Variants in SEMA3A observed in about 807,000 individuals in gnomAD.
SEMA3A encodes semaphorin 3A, also known as semaphorin-3A.
In SEMA3A, 29 loss-of-function variants were observed where a neutral mutation model predicts 97.9. The ratio of observed to expected loss-of-function variants is 0.30; its 90% CI spans 0.22 to 0.40. SEMA3A has a LOEUF of 0.40. SEMA3A is among the 10% of genes least tolerant of loss of function. The probability of loss-of-function intolerance (pLI) is 1.00; values close to 1 mark genes in which losing one functional copy is unlikely to be tolerated. For missense variants in SEMA3A, 763 were observed against 951.3 expected, an observed-to-expected ratio of 0.80 and a Z score of 2.60; for synonymous variants, 321 against 323.7, an observed-to-expected ratio of 0.99 and a Z score of 0.09.
chr7:84,480,202 T>G lies in SEMA3A; in HGVS notation c.-246+12258A>C, dbSNP rs577480589. On this transcript the variant is annotated intron_variant, in intron 1 of 3. Transcript: ENST00000424555. The stretch of plus-strand genomic sequence containing the variant: ...ATTCAGGCAGGGCTCTGGGGTTTTT[T>G]GTTTGCTTGTTTGTTTTTTTGTTTT... Among the ~76,000 whole-genome samples, 26 of 152,318 alleles carry G rather than the reference T, an allele frequency of 1.7e-4. No individual in the cohort carries two copies. In the South Asian group the frequency reaches 4.6e-3, roughly 27 times the overall value.
intron 6 of SEMA3A, among the ~76,000 whole-genome samples, chr7:84,023,749 G>A (rs1013953322): frequency 6.6e-6 from 1 of 152,160 alleles, no homozygotes; most frequent in African/African-American, 2.4e-5. Flanking sequence ...TATGGCTCAC[G>A]CCTGTAATCC....
Position 83,959,629 on chromosome 7 carries a change from A to G in SEMA3A, c.*1742T>C, listed in dbSNP as rs555827518. 3.0e-4 allele frequency: 45 copies of G among 152,204 alleles called. No homozygotes were observed. The highest frequency in any genetic ancestry group is 1.0e-3 in the African/African-American group (43 of 41,566). 9.4% of individuals were successfully genotyped at this position (152,204 alleles called of 1,614,324 possible). A position where few individuals can be genotyped will look rare whatever the true frequency, so the allele number is the denominator to read the frequency against. On this transcript the variant is annotated 3_prime_UTR_variant, in exon 17 of 17. Coordinates refer to ENST00000265362, the MANE Select transcript of SEMA3A (RefSeq NM_006080.3). ...TGAAATATTTCAGCTGATAGGAAATAAAAATTCACTGTAGTCTGAGGTGAG... is the reference window on the plus strand; with the variant it reads ...TGAAATATTTCAGCTGATAGGAAATGAAAATTCACTGTAGTCTGAGGTGAG...
chr7:84,398,284 CTA>C (rs1444160146), intron 1 of SEMA3A, among the ~76,000 whole-genome samples: 2 of 152,108 alleles, frequency 1.3e-5, no homozygotes, highest in African/African-American at 4.8e-5. Flanking sequence ...TTCTCAGAAC[CTA>C]TATGAGGAGC....
intron 3 of SEMA3A, among the ~76,000 whole-genome samples, chr7:84,279,631 G>C (rs879853010): frequency 6.6e-6 from 1 of 152,082 alleles, no homozygotes. Flanking sequence ...GTGGGAGTTC[G>C]TTTTACTACT....
intron 3 of SEMA3A, among the ~76,000 whole-genome samples, chr7:84,271,301 C>T (rs1187934901): frequency 6.6e-6 from 1 of 152,080 alleles, no homozygotes; most frequent in Non-Finnish European, 1.5e-5. Flanking sequence ...AATCCTCCCA[C>T]CTCAGCTTTC....
In SEMA3A at chr7:84,190,746, CAT is replaced by C. The variant is rs531754094; in HGVS notation, c.112+3727_112+3728del. ...TATATATAATATATATACACACACA[CAT>C]ATATATAATTTAAAATATCAATGTC... is the stretch of plus-strand genomic sequence containing the variant. On this transcript the variant is annotated intron_variant, in intron 1 of 16. Coordinates refer to ENST00000265362, the MANE Select transcript of SEMA3A (RefSeq NM_006080.3). Among the ~76,000 whole-genome samples, 544 of 147,750 alleles carry C rather than the reference CAT, an allele frequency of 3.7e-3. 1 individual carries two copies. Among genetic ancestry groups the C allele is most frequent in the African/African-American group, 0.012 (492 of 40,688 alleles).
At chr7:84,408,515 C>T (rs1215921736) in intron 1 of SEMA3A, among the ~76,000 whole-genome samples, 1 of 152,120 alleles carries the variant, frequency 6.6e-6, no homozygotes, top group East Asian at 1.9e-4. Flanking sequence ...ACTAGAAATA[C>T]CATCTGACCC....
intron 13 of SEMA3A, 105 bp downstream of exon 13, chr7:83,985,331 T>A (rs1248612891): frequency 3.8e-6 from 3 of 796,946 alleles, no homozygotes; most frequent in Non-Finnish European, 6.1e-6. Flanking sequence ...TGTATTTTTG[T>A]ATAATTGTTA....
chr7:84,414,321 T>C (rs894256098), intron 1 of SEMA3A, among the ~76,000 whole-genome samples: 1 of 151,900 alleles, frequency 6.6e-6, no homozygotes, highest in Admixed American at 6.6e-5. Context: ...GTGAAAAATT[T>C]GGTTGTGTAA....
intron 3 of SEMA3A, among the ~76,000 whole-genome samples, chr7:84,296,714 T>C (rs920694187): frequency 7.2e-5 from 11 of 152,198 alleles, no homozygotes; most frequent in Non-Finnish European, 1.5e-4. Flanking sequence ...CTCCATACTC[T>C]TTGTGATAGC....
chr7:84,000,100 T>A (rs1405751400), intron 12 of SEMA3A, among the ~76,000 whole-genome samples: 1 of 151,812 alleles, frequency 6.6e-6, no homozygotes, highest in Non-Finnish European at 1.5e-5. Context: ...AAAGACAATA[T>A]GGCAATTTAT....
intron 1 of SEMA3A, among the ~76,000 whole-genome samples, chr7:84,435,279 ACT>A (rs1554386637): frequency 6.6e-6 from 1 of 151,894 alleles, no homozygotes; most frequent in Non-Finnish European, 1.5e-5. Context: ...ACACACACAC[ACT>A]ACCTGGGAAC....
chr7:84,324,280 G>A (rs1188305220), intron 2 of SEMA3A, among the ~76,000 whole-genome samples: 1 of 152,146 alleles, frequency 6.6e-6, no homozygotes, highest in Non-Finnish European at 1.5e-5. Flanking sequence ...TAGGACCAGA[G>A]TAACCTATTG....
chr7:84,102,573 G>A (rs1794989314), intron 4 of SEMA3A, among the ~76,000 whole-genome samples: 1 of 141,824 alleles, frequency 7.1e-6, no homozygotes, highest in Admixed American at 7.4e-5. Context: ...TACAGAGAAG[G>A]AGATTGCATT....
At chr7:84,184,451 A>C (rs1453952253) in intron 1 of SEMA3A, among the ~76,000 whole-genome samples, 1 of 152,160 alleles carries the variant, frequency 6.6e-6, no homozygotes, top group Non-Finnish European at 1.5e-5. Flanking sequence ...CTAAAAACAA[A>C]AGGTTTCATT....
intron 12 of SEMA3A, among the ~76,000 whole-genome samples, chr7:83,997,023 G>A (rs1446661510): frequency 6.6e-6 from 1 of 152,156 alleles, no homozygotes; most frequent in African/African-American, 2.4e-5. Context: ...TGATTAGTCA[G>A]GGTGTTCTTA....
rs1292640578 is a variant in SEMA3A at position 84,182,171 on chromosome 7, C to A, written c.112+12304G>T. Among the ~76,000 whole-genome samples, 6 of 152,102 alleles carry A rather than the reference C, an allele frequency of 3.9e-5. No individual in the cohort carries two copies. The South Asian group carries it at 8.3e-4, about 21-fold the overall frequency. On this transcript the variant is annotated intron_variant, in intron 1 of 16. Transcript: ENST00000265362. ...CTCTTTCCTGCAAATGGGTTATTTGCGATCACAGGTGGTTCACGGAATTAG... is the reference window on the plus strand; with the variant it reads ...CTCTTTCCTGCAAATGGGTTATTTGAGATCACAGGTGGTTCACGGAATTAG...
At chr7:84,132,661 T>G in intron 2 of SEMA3A, among the ~76,000 whole-genome samples, 1 of 88,336 alleles carries the variant, frequency 1.1e-5, no homozygotes. Context: ...ATCGACTTGG[T>G]GTTTTTTTTT....
At chr7:84,409,643 T>C (rs909364891) in intron 1 of SEMA3A, among the ~76,000 whole-genome samples, 1 of 152,120 alleles carries the variant, frequency 6.6e-6, no homozygotes, top group Non-Finnish European at 1.5e-5. Flanking sequence ...ATTGTGTAAA[T>C]TCTTCTTGTA....
Sources: allele counts gnomAD v4.1 joint callset (sites outside exome capture counted in the v4.1 genomes callset), GRCh38; gene constraint gnomAD v4.1.1; transcripts MANE v1.5; gene names NCBI Gene and HGNC (gene_info 2026-07-23, HGNC 2026-07-21).